The following DRAM1 variants were observed in gnomAD, a reference collection of about 807,000 sequenced individuals.
DRAM1 encodes the protein DNA damage-regulated autophagy modulator protein 1.
DRAM1 carries 25 observed loss-of-function variants against 28.5 expected under a neutral mutation model. That is an observed-to-expected ratio of 0.88 (90% CI 0.64 to 1.23). The LOEUF (loss-of-function observed/expected upper bound fraction) is 1.23, where lower values mean the gene tolerates loss of function less well. Among genes scored for constraint, DRAM1 ranks in the 50% most tolerant of loss-of-function variants. The pLI is 0.00. For synonymous variants in DRAM1, 113 were observed against 114.2 expected (o/e 0.99, Z 0.07); for missense variants, 249 against 299.2 (o/e 0.83, Z 1.24).
intron 2 of DRAM1, 76 bp from the exon 3 acceptor site, chr12:101,901,215 G>T: frequency 6.6e-7 from 1 of 1,513,932 alleles, no homozygotes; most frequent in Non-Finnish European, 8.9e-7. Context: ...TTTAAAAAGT[G>T]ATACAAAGCT....
In DRAM1 at chr12:101,901,382, A is replaced by G; in HGVS notation, c.291A>G (p.Leu97=). 6.2e-7 allele frequency: 1 copy of G among 1,614,156 alleles called. No individual in the cohort carries two copies. Among genetic ancestry groups the G allele is most frequent in the Non-Finnish European group, 8.5e-7 (1 of 1,180,032 alleles). Reference sequence around the variant, plus strand: ...CTCCTGTTTTTAACTTGGTGTCTTTAGTGCTTGGATTGGTGGGATGTTTCG... The same window carrying G: ...CTCCTGTTTTTAACTTGGTGTCTTTGGTGCTTGGATTGGTGGGATGTTTCG... The part of the protein sequence containing the change: ...FSTPVFNLVS[L]VLGLVGCFGM... The change falls in exon 3 of 7, where the codon TTA becomes TTG. Residue 97 remains leucine (L), a synonymous_variant. Coordinates refer to ENST00000258534, the MANE Select transcript of DRAM1 (RefSeq NM_018370.3).
At chr12:101,912,996 G>A (rs935380216) in intron 4 of DRAM1, among the ~76,000 whole-genome samples, 30 of 152,250 alleles carry the variant, frequency 2.0e-4, no homozygotes, top group African/African-American at 7.0e-4. Context: ...CCAAAGTGCT[G>A]GGATTACAGG....
At chr12:101,907,314 A>T (rs1873858165) in intron 3 of DRAM1, among the ~76,000 whole-genome samples, 1 of 151,842 alleles carries the variant, frequency 6.6e-6, no homozygotes, top group Non-Finnish European at 1.5e-5. Flanking sequence ...AGTAGAGATT[A>T]TCAGGGAGCA....
At chr12:101,881,932 G>T (rs1322994384) in intron 1 of DRAM1, among the ~76,000 whole-genome samples, 1 of 152,066 alleles carries the variant, frequency 6.6e-6, no homozygotes, top group East Asian at 1.9e-4. Flanking sequence ...TTTGCTGAAT[G>T]AATATTTCTG....
In DRAM1 at chr12:101,914,467, T is replaced by G. The variant is rs114826487; in HGVS notation, c.579+235T>G. On this transcript the variant is annotated intron_variant, in intron 5 of 6. Transcript: ENST00000258534. The stretch of plus-strand genomic sequence containing the variant: ...TCAAAATTTTGAGTTCCTAATTTCT[T>G]TCTTTCTTCTTCTTCTTCTTTTTTT... 2.3e-3 allele frequency among the ~76,000 whole-genome samples: 345 copies of G among 150,174 alleles called. 3 individuals carry two copies. The highest frequency in any genetic ancestry group is 8.1e-3 in the African/African-American group (329 of 40,532).
Position 101,897,932 on chromosome 12 carries a change from T to C in DRAM1, c.199+2T>C. The C allele has an allele frequency of 6.4e-7, 1 of 1,552,210 alleles. No homozygotes were observed. Among genetic ancestry groups the C allele is most frequent in the Non-Finnish European group, 8.9e-7 (1 of 1,124,422 alleles). ...TGATAAACTTCTCTGCATTTCTTGGTAAGTACACAATAATTATTATAAATA... is the reference window on the plus strand; with the variant it reads ...TGATAAACTTCTCTGCATTTCTTGGCAAGTACACAATAATTATTATAAATA... On this transcript the variant is annotated splice_donor_variant, in intron 2 of 6. Transcript: ENST00000258534. LOFTEE classifies it high-confidence loss of function.
In DRAM1 at chr12:101,879,553, T is replaced by G. The variant is rs147673401; in HGVS notation, c.131+1633T>G. ...GCTTTGGCCTCCCAGAGTGTTGGGA[T>G]TACAGGCGTGAGCCACCACGCCTGG... is the stretch of plus-strand genomic sequence containing the variant. On this transcript the variant is annotated intron_variant, in intron 1 of 6. Coordinates refer to ENST00000258534, the MANE Select transcript of DRAM1 (RefSeq NM_018370.3). Among the ~76,000 whole-genome samples, 81 of 148,500 alleles carry G rather than the reference T, an allele frequency of 5.5e-4. 1 individual carries two copies. The highest frequency in any genetic ancestry group is 1.9e-3 in the African/African-American group (78 of 40,784).
intron 5 of DRAM1, among the ~76,000 whole-genome samples, chr12:101,916,377 G>A (rs1006191671): frequency 5.3e-5 from 8 of 152,188 alleles, no homozygotes; most frequent in African/African-American, 9.6e-5. Flanking sequence ...TGTGGCATGC[G>A]CCTGTAGTCC....
At chr12:101,890,888 C>T (rs1873098232) in intron 1 of DRAM1, among the ~76,000 whole-genome samples, 1 of 151,832 alleles carries the variant, frequency 6.6e-6, no homozygotes, top group South Asian at 2.1e-4. Flanking sequence ...GTAGCTGGGA[C>T]TACAGGCGCC....
rs1874476122 is a variant in DRAM1 at position 101,921,361 on chromosome 12, G to A, written c.*101G>A. 5 of 830,584 alleles carry A rather than the reference G, an allele frequency of 6.0e-6. No individual in the cohort carries two copies. Among genetic ancestry groups the A allele is most frequent in the African/African-American group, 3.4e-5 (2 of 58,806 alleles). 51.5% of individuals were successfully genotyped at this position (830,584 alleles called of 1,614,324 possible). Reference sequence around the variant, plus strand: ...TTGAGGCCACCCTGATTATTGGGATGCATCTGCAGCACATCCAGGACTTGA... The same window carrying A: ...TTGAGGCCACCCTGATTATTGGGATACATCTGCAGCACATCCAGGACTTGA... On this transcript the variant is annotated 3_prime_UTR_variant, in exon 7 of 7. Coordinates refer to ENST00000258534, the MANE Select transcript of DRAM1 (RefSeq NM_018370.3).
In DRAM1 at chr12:101,914,237, C is replaced by T; in HGVS notation, c.579+5C>T. 1.2e-6 allele frequency: 2 copies of T among 1,604,582 alleles called. No individual in the cohort carries two copies. Among genetic ancestry groups the T allele is most frequent in the Non-Finnish European group, 1.7e-6 (2 of 1,176,206 alleles). On this transcript the variant is annotated splice_donor_5th_base_variant and intron_variant, in intron 5 of 6. Coordinates refer to ENST00000258534, the MANE Select transcript of DRAM1 (RefSeq NM_018370.3). ...GAGTGGAATCCAAGAGAAAAGGTAA[C>T]ATTTAAGTTGTTGTGAATGTGGTTG...
chr12:101,887,143 T>G (rs10778156), intron 1 of DRAM1, among the ~76,000 whole-genome samples: 1 of 144,754 alleles, frequency 6.9e-6, no homozygotes, highest in South Asian at 2.2e-4. Flanking sequence ...GAAACTCCGT[T>G]TCAAAAAAAA....
rs68087095 is a variant in DRAM1 at position 101,893,923 on chromosome 12, TAA to T, written c.132-3937_132-3936del. Among the ~76,000 whole-genome samples the T allele has an allele frequency of 1.2e-3, 128 of 108,704 alleles. 1 individual carries two copies. The highest frequency in any genetic ancestry group is 3.0e-3 in the African/African-American group (90 of 29,684). The allele number at this position is 108,704 out of a possible 152,430, so 71.3% of individuals were successfully genotyped here. On this transcript the variant is annotated intron_variant, in intron 1 of 6. Coordinates refer to ENST00000258534, the MANE Select transcript of DRAM1 (RefSeq NM_018370.3). ...TTCCCTTCACCTGTATGTTTTTTTT[TAA>T]AATTAATTAATTAATTTATTTTTGA...
At chr12:101,921,101 G>A (rs1874464194) in intron 6 of DRAM1, 115 bp from the exon 7 acceptor site, 2 of 809,058 alleles carry the variant, frequency 2.5e-6, no homozygotes, top group Non-Finnish European at 4.4e-6. Context: ...CTCAAGCATA[G>A]CACAAACCAT....
intron 4 of DRAM1, among the ~76,000 whole-genome samples, chr12:101,909,719 A>C (rs373751614): frequency 1.5e-4 from 23 of 152,362 alleles, no homozygotes; most frequent in African/African-American, 5.3e-4. Flanking sequence ...AGGAAATGAA[A>C]ATATAAATTT....
At chr12:101,881,876 TCTGTCTCCCTTCA>T (rs1872698630) in intron 1 of DRAM1, among the ~76,000 whole-genome samples, 1 of 152,196 alleles carries the variant, frequency 6.6e-6, no homozygotes, top group Non-Finnish European at 1.5e-5. Context: ...ATGTTTATTT[TCTGTCTCCCTTCA>T]CTGGATTGTA....
chr12:101,905,200 G>C (rs552248169), intron 3 of DRAM1, among the ~76,000 whole-genome samples: 1 of 152,084 alleles, frequency 6.6e-6, no homozygotes, highest in African/African-American at 2.4e-5. Flanking sequence ...ATACCCTGTC[G>C]TATTTTATTT....
chr12:101,901,960 G>A (rs1308691733), intron 3 of DRAM1, among the ~76,000 whole-genome samples: 1 of 151,888 alleles, frequency 6.6e-6, no homozygotes, highest in Non-Finnish European at 1.5e-5. Flanking sequence ...GTGTGATTCA[G>A]AGGAGGCCTT....
At chr12:101,907,941 C>G (rs763293445) in intron 3 of DRAM1, among the ~76,000 whole-genome samples, 1 of 151,938 alleles carries the variant, frequency 6.6e-6, no homozygotes, top group African/African-American at 2.4e-5. Flanking sequence ...ACTCAACCCT[C>G]CCACCTGTAA....
Sources: gnomAD v4.1 joint callset for allele counts (sites outside exome capture counted in the v4.1 genomes callset) on GRCh38, gnomAD v4.1.1 for gene constraint, MANE v1.5 for transcripts, NCBI Gene and HGNC (gene_info 2026-07-23, HGNC 2026-07-21) for gene names.